The following PPP2R2B variants were observed in gnomAD, a reference collection of about 807,000 sequenced individuals.
PPP2R2B encodes the protein protein phosphatase 2 regulatory subunit Bbeta.
PPP2R2B carries 5 observed loss-of-function variants against 46.0 expected under a neutral mutation model. That is an observed-to-expected ratio of 0.11 (90% CI 0.06 to 0.23). The LOEUF is 0.23. Among genes scored for constraint, PPP2R2B ranks in the 10% least tolerant of loss-of-function variants. The probability of loss-of-function intolerance (pLI) is 1.00; values close to 1 mark genes in which losing one functional copy is unlikely to be tolerated. For missense variants in PPP2R2B, 367 were observed against 575.0 expected (o/e 0.64, Z 3.70); for synonymous variants, 215 against 206.7 (o/e 1.04, Z -0.34).
intron 2 of PPP2R2B, among the ~76,000 whole-genome samples, chr5:146,795,705 T>C (rs149824613): frequency 1.2e-4 from 18 of 152,260 alleles, no homozygotes; most frequent in African/African-American, 3.8e-4. Flanking sequence ...TGTGAGGTGA[T>C]AGATAATTAG....
At chr5:146,964,519 T>G (rs1752317466) in intron 1 of PPP2R2B, among the ~76,000 whole-genome samples, 1 of 151,690 alleles carries the variant, frequency 6.6e-6, no homozygotes, top group African/African-American at 2.4e-5. Flanking sequence ...GCTCCTGTAT[T>G]TATTTTTATT....
chr5:147,068,449 CAA>C (rs892472631), intron 2 of PPP2R2B, among the ~76,000 whole-genome samples: 1 of 151,826 alleles, frequency 6.6e-6, no homozygotes, highest in Non-Finnish European at 1.5e-5. Flanking sequence ...GTTAGAAACA[CAA>C]AGAGTATTAC....
chr5:147,044,057 A>G (rs778151390), intron 1 of PPP2R2B, among the ~76,000 whole-genome samples: 90 of 152,132 alleles, frequency 5.9e-4, no homozygotes, highest in Non-Finnish European at 1.1e-3. Context: ...GTGAGCTAAT[A>G]CATTAAAACA....
intron 1 of PPP2R2B, among the ~76,000 whole-genome samples, chr5:146,953,780 G>T (rs553507886): frequency 6.6e-6 from 1 of 152,166 alleles, no homozygotes; most frequent in Non-Finnish European, 1.5e-5. Flanking sequence ...TTAAAAATAG[G>T]TTTCGGTGAC....
Position 146,926,774 on chromosome 5 carries a change from A to C in PPP2R2B, c.79+128891T>G, listed in dbSNP as rs781472155. The stretch of plus-strand genomic sequence containing the variant: ...CTTTTTGAGTCTCCTATGCACATGC[A>C]TTGAGACTTTGGGTAAACCAGAAGC... On this transcript the variant is annotated intron_variant, in intron 1 of 8. Coordinates refer to the PPP2R2B transcript ENST00000336640. Among the ~76,000 whole-genome samples the C allele has an allele frequency of 1.8e-4, 28 of 152,094 alleles. 1 individual carries two copies. The highest frequency in any genetic ancestry group is 7.4e-5 in the Non-Finnish European group (5 of 68,026).
chr5:146,657,768 A>T (rs1439037802), intron 5 of PPP2R2B, among the ~76,000 whole-genome samples: 1 of 152,144 alleles, frequency 6.6e-6, no homozygotes, highest in East Asian at 1.9e-4. Flanking sequence ...CATAATCAAC[A>T]TTATGGGGTC....
chr5:146,618,695 A>G (rs1316063548), intron 7 of PPP2R2B, among the ~76,000 whole-genome samples: 5 of 152,192 alleles, frequency 3.3e-5, no homozygotes, highest in Non-Finnish European at 7.4e-5. Flanking sequence ...GGCAGAGGCC[A>G]TGAGAGGCTC....
chr5:146,672,617 T>C (rs776213853), intron 5 of PPP2R2B, among the ~76,000 whole-genome samples: 1 of 152,124 alleles, frequency 6.6e-6, no homozygotes, highest in Non-Finnish European at 1.5e-5. Context: ...TTGCAGAAAC[T>C]GAGATGGATA....
At chr5:146,796,980 C>T (rs1231978946) in intron 2 of PPP2R2B, among the ~76,000 whole-genome samples, 1 of 152,168 alleles carries the variant, frequency 6.6e-6, no homozygotes, top group African/African-American at 2.4e-5. Context: ...AAGTTCTCCA[C>T]CTTTTAAGGT....
chr5:147,028,212 G>A (rs1237084566), intron 1 of PPP2R2B, among the ~76,000 whole-genome samples: 1 of 152,102 alleles, frequency 6.6e-6, no homozygotes, highest in African/African-American at 2.4e-5. Flanking sequence ...AACTCAATAG[G>A]ACTTCTCATT....
chr5:147,078,724 C>T (rs537379243), intron 2 of PPP2R2B, among the ~76,000 whole-genome samples: 4 of 150,962 alleles, frequency 2.6e-5, no homozygotes, highest in East Asian at 2.0e-4. Context: ...AGGAGAATGG[C>T]GTGAACCCAG....
intron 2 of PPP2R2B, among the ~76,000 whole-genome samples, chr5:147,067,627 C>T (rs1011309248): frequency 1.3e-5 from 2 of 152,134 alleles, no homozygotes; most frequent in African/African-American, 4.8e-5. Context: ...AGGAAACTTC[C>T]ACATAACTTC....
intron 1 of PPP2R2B, among the ~76,000 whole-genome samples, chr5:146,883,918 T>C (rs1164963824): frequency 6.6e-6 from 1 of 152,092 alleles, no homozygotes; most frequent in African/African-American, 2.4e-5. Flanking sequence ...CTTATGAAAA[T>C]ACACAGTGGT....
At chr5:146,758,746 GT>G (rs764463555) in intron 2 of PPP2R2B, among the ~76,000 whole-genome samples, 6 of 152,142 alleles carry the variant, frequency 3.9e-5, no homozygotes, top group Non-Finnish European at 8.8e-5. Context: ...AAGGACACTG[GT>G]TTGCAGAAGA....
chr5:146,850,740 C>A (rs948784487), intron 2 of PPP2R2B, among the ~76,000 whole-genome samples: 1 of 152,164 alleles, frequency 6.6e-6, no homozygotes, highest in Non-Finnish European at 1.5e-5. Context: ...GTGCTTGTCA[C>A]GGTTGCAATT....
chr5:146,600,744 G>T (rs1348215503), intron 7 of PPP2R2B, among the ~76,000 whole-genome samples: 1 of 152,060 alleles, frequency 6.6e-6, no homozygotes, highest in African/African-American at 2.4e-5. Context: ...TGTTTCCCTT[G>T]GTATCTGGGT....
chr5:147,066,229 G>A (rs1561609798), intron 2 of PPP2R2B, among the ~76,000 whole-genome samples: 1 of 152,168 alleles, frequency 6.6e-6, no homozygotes, highest in Admixed American at 6.5e-5. Context: ...TCTAGGTATT[G>A]GAATATCTCC....
At chr5:146,990,607 A>C (rs191947645) in intron 1 of PPP2R2B, among the ~76,000 whole-genome samples, 83 of 152,316 alleles carry the variant, frequency 5.4e-4, no homozygotes, top group African/African-American at 1.7e-3. Context: ...TAAAACTATG[A>C]AACTATTAGT....
intron 2 of PPP2R2B, among the ~76,000 whole-genome samples, chr5:146,810,709 TTTTTTC>T (rs1757480954): frequency 6.7e-6 from 1 of 149,612 alleles, no homozygotes; most frequent in Non-Finnish European, 1.5e-5. Context: ...TCCTGTCTTT[TTTTTTC>T]TTTTTAATAT....
Sources: allele counts gnomAD v4.1 joint callset (sites outside exome capture counted in the v4.1 genomes callset), GRCh38; gene constraint gnomAD v4.1.1; transcripts MANE v1.5; gene names NCBI Gene and HGNC (gene_info 2026-07-23, HGNC 2026-07-21).